The following NTM variants were observed in gnomAD, a reference collection of about 807,000 sequenced individuals.
NTM encodes neurotrimin, also known as IgLON family member 2.
NTM carries 13 observed loss-of-function variants against 42.1 expected under a neutral mutation model. The observed-to-expected ratio is 0.31, with a 90% confidence interval of 0.20 to 0.49. NTM has a LOEUF of 0.49. Among genes scored for constraint, NTM ranks in the 20% least tolerant of loss-of-function variants. NTM has a pLI of 0.99. For missense variants in NTM, 373 were observed against 452.8 expected (o/e 0.82, Z 1.60); for synonymous variants, 187 against 179.2 (o/e 1.04, Z -0.35).
chr11:131,770,865 A>G (rs954928054), intron 1 of NTM: 14 of 152,068 alleles, frequency 9.2e-5, no homozygotes, highest in African/African-American at 3.4e-4. Flanking sequence ...TTGAACAGAC[A>G]CCCTATGCGT....
At chr11:131,541,189 G>C (rs759869827) in intron 1 of NTM, among the ~76,000 whole-genome samples, 6 of 152,096 alleles carry the variant, frequency 3.9e-5, no homozygotes, top group Non-Finnish European at 7.4e-5. Flanking sequence ...GTCCTGCCTC[G>C]AAACAAACAC....
At chr11:132,206,144 C>A (rs762365126) in intron 3 of NTM, among the ~76,000 whole-genome samples, 3 of 152,202 alleles carry the variant, frequency 2.0e-5, no homozygotes, top group African/African-American at 7.2e-5. Context: ...ATTTCTGTGA[C>A]TCCAGTTTCT....
At chr11:132,156,184 C>T (rs1297786324) in intron 3 of NTM, among the ~76,000 whole-genome samples, 1 of 152,102 alleles carries the variant, frequency 6.6e-6, no homozygotes, top group Non-Finnish European at 1.5e-5. Context: ...CCCAAGAGAG[C>T]CAATTCCTTA....
chr11:131,656,478 C>G (rs189770565), intron 1 of NTM, among the ~76,000 whole-genome samples: 10 of 152,248 alleles, frequency 6.6e-5, no homozygotes, highest in Admixed American at 6.5e-4. Flanking sequence ...CATTGGGAAC[C>G]ATCCTCCCAA....
intron 1 of NTM, among the ~76,000 whole-genome samples, chr11:131,864,005 A>T (rs918742834): frequency 4.6e-5 from 7 of 152,040 alleles, no homozygotes; most frequent in Non-Finnish European, 7.3e-5. Context: ...GTGTTGGCAG[A>T]ATAAGAAATG....
chr11:132,003,439 T>A lies in NTM; in HGVS notation c.167+91791T>A, dbSNP rs2069868150. 6.6e-6 allele frequency among the ~76,000 whole-genome samples: 1 copy of A among 152,054 alleles called. No individual in the cohort carries two copies. The highest frequency in any genetic ancestry group is 1.5e-5 in the Non-Finnish European group (1 of 68,024). ...TTTTAAATTTTATGTAGAGACAGAC[T>A]GTCCTTATATTTCCCAGGCTGCTCT... On this transcript the variant is annotated intron_variant, in intron 2 of 8. Transcript: ENST00000683400. The surrounding 1 kb of genome is among the most constrained non-coding windows in gnomAD (Gnocchi z 6.0).
At chr11:131,639,996 T>A (rs949119685) in intron 1 of NTM, among the ~76,000 whole-genome samples, 1 of 148,976 alleles carries the variant, frequency 6.7e-6, no homozygotes, top group African/African-American at 2.5e-5. Flanking sequence ...TAAAAATAAA[T>A]AAATAAAAAA....
intron 1 of NTM, among the ~76,000 whole-genome samples, chr11:131,743,008 C>T (rs1023293013): frequency 6.6e-6 from 1 of 152,120 alleles, no homozygotes; most frequent in Non-Finnish European, 1.5e-5. Context: ...ATGTCAACCA[C>T]CTGAGGTCTT....
At chr11:131,405,862 G>C (rs887751852) in intron 1 of NTM, among the ~76,000 whole-genome samples, 2 of 152,120 alleles carry the variant, frequency 1.3e-5, no homozygotes, top group African/African-American at 4.8e-5. Context: ...TCTTAAACTT[G>C]CCAAGTTTGG....
At chr11:132,189,733 G>A (rs770410008) in intron 3 of NTM, among the ~76,000 whole-genome samples, 1 of 152,114 alleles carries the variant, frequency 6.6e-6, no homozygotes, top group Non-Finnish European at 1.5e-5. Flanking sequence ...TCACTCCTGT[G>A]TCAATAGTTA....
intron 2 of NTM, among the ~76,000 whole-genome samples, chr11:132,015,339 G>T (rs894338058): frequency 6.6e-6 from 1 of 151,822 alleles, no homozygotes; most frequent in South Asian, 2.1e-4. Flanking sequence ...CCTCTGCTTT[G>T]TTCTTTTTGC....
chr11:131,554,114 G>T (rs1183042133), intron 1 of NTM, among the ~76,000 whole-genome samples: 1 of 152,130 alleles, frequency 6.6e-6, no homozygotes, highest in South Asian at 2.1e-4. Flanking sequence ...CCTTAGGTTT[G>T]TTTAGTTCTT....
rs749742817 is a variant in NTM, at chr11:131,718,182, G to A, written c.83-193382G>A. Among the ~76,000 whole-genome samples, 6 of 152,054 alleles carry A rather than the reference G, an allele frequency of 3.9e-5. 1 individual carries two copies. The highest frequency in any genetic ancestry group is 7.2e-5 in the African/African-American group (3 of 41,396). ...GTCTGTAGTTTTAGTTTTTCATAAT[G>A]TCTTTTTCCAGTTTTGTTTTTAAGG... On this transcript the variant is annotated intron_variant, in intron 1 of 8. Transcript: ENST00000683400.
intron 2 of NTM, among the ~76,000 whole-genome samples, chr11:131,980,718 A>T (rs2065094414): frequency 6.6e-6 from 1 of 152,178 alleles, no homozygotes; most frequent in South Asian, 2.1e-4. Context: ...TGATAGAAAA[A>T]GCTTTGATGT....
At chr11:131,689,864 C>T (rs973169302) in intron 1 of NTM, among the ~76,000 whole-genome samples, 2 of 152,218 alleles carry the variant, frequency 1.3e-5, no homozygotes, top group African/African-American at 4.8e-5. Flanking sequence ...TCAGCAATAC[C>T]AGTTATTACT....
At chr11:131,939,711 T>G (rs900739786) in intron 2 of NTM, among the ~76,000 whole-genome samples, 1 of 152,204 alleles carries the variant, frequency 6.6e-6, no homozygotes, top group Non-Finnish European at 1.5e-5. Flanking sequence ...TGGAACAATC[T>G]GGTTACATAT....
chr11:132,303,600 C>A (rs1415832340), intron 4 of NTM, among the ~76,000 whole-genome samples: 6 of 151,636 alleles, frequency 4.0e-5, no homozygotes, highest in African/African-American at 1.2e-4. Flanking sequence ...CTCAACATAC[C>A]TTTTTTGGGA....
intron 1 of NTM, among the ~76,000 whole-genome samples, chr11:131,864,286 C>T (rs181584085): frequency 1.1e-4 from 17 of 151,834 alleles, no homozygotes; most frequent in Middle Eastern, 3.4e-3. Context: ...GAGTGTGGAG[C>T]GACTCCTTTG....
At position 131,490,913 on chromosome 11, in the gene NTM, A is replaced by G. The variant is rs905323955; in HGVS notation, c.82+120025A>G. ...CACACATCCTGTCTATGCATATTACATTCTTGCTAGCTGTTCTGCTGTAGG... is the reference window on the plus strand; with the variant it reads ...CACACATCCTGTCTATGCATATTACGTTCTTGCTAGCTGTTCTGCTGTAGG... On this transcript the variant is annotated intron_variant, in intron 1 of 8. Coordinates refer to ENST00000683400, the MANE Select transcript of NTM (RefSeq NM_001352005.2). Among the ~76,000 whole-genome samples the G allele has an allele frequency of 3.9e-5, 6 of 152,190 alleles. No individual in the cohort carries two copies. The East Asian group carries it at 9.6e-4, about 24-fold the overall frequency.
Sources: gnomAD v4.1 joint callset for allele counts (sites outside exome capture counted in the v4.1 genomes callset) on GRCh38, gnomAD v4.1.1 for gene constraint, Gnocchi (gnomAD v3.1) non-coding constraint, MANE v1.5 for transcripts, NCBI Gene and HGNC (gene_info 2026-07-23, HGNC 2026-07-21) for gene names.